Variants in CAPRIN2 observed in about 807,000 individuals in gnomAD.
CAPRIN2 encodes the protein caprin-2.
A neutral mutation model predicts 130.4 loss-of-function variants in CAPRIN2; 66 were observed. That is an observed-to-expected ratio of 0.51 (90% CI 0.42 to 0.62). The LOEUF is 0.62. Among genes scored for constraint, CAPRIN2 ranks in the 20% least tolerant of loss-of-function variants. The probability of loss-of-function intolerance (pLI) is 0.00; values close to 1 mark genes in which losing one functional copy is unlikely to be tolerated. For missense variants in CAPRIN2, 1,185 were observed against 1,246.6 expected (o/e 0.95, Z 0.74); for synonymous variants, 471 against 444.1 (o/e 1.06, Z -0.76).
At chr12:30,730,045 C>T (rs2062109140) in intron 7 of CAPRIN2, among the ~76,000 whole-genome samples, 194 bp downstream of exon 8, 2 of 152,190 alleles carry the variant, frequency 1.3e-5, no homozygotes, top group South Asian at 2.1e-4. Context: ...TAGTCATTAA[C>T]GTTATCCCTA....
chr12:30,753,818 C>T, exon 1 of CAPRIN2: 2 of 1,488,966 alleles, frequency 1.3e-6, no homozygotes, highest in Non-Finnish European at 1.8e-6. Context: ...TTTACATAGG[C>T]AAAATCTCCC....
intron 1 of CAPRIN2, 32 bp from the exon 3 acceptor site, chr12:30,751,165 C>A (rs759945627): frequency 1.9e-6 from 3 of 1,569,520 alleles, no homozygotes; most frequent in South Asian, 2.2e-5. Flanking sequence ...CTACCATAGT[C>A]TGACATAAAA....
At chr12:30,718,275 AGGAACTATTCTAT>A (rs2058292261) in intron 12 of CAPRIN2, among the ~76,000 whole-genome samples, 1 of 152,246 alleles carries the variant, frequency 6.6e-6, no homozygotes, top group South Asian at 2.1e-4. Context: ...AGTGAAAGCA[AGGAACTATTCTAT>A]CTAGAAATAA....
chr12:30,719,135 G>T, intron 12 of CAPRIN2: 1 of 1,614,084 alleles, frequency 6.2e-7, no homozygotes, highest in African/African-American at 1.3e-5. Flanking sequence ...CTACTTGCTG[G>T]AGGTGACTGG....
intron 8 of CAPRIN2, 25 bp downstream of exon 9, chr12:30,728,623 A>C: frequency 6.4e-7 from 1 of 1,552,370 alleles, no homozygotes; most frequent in Non-Finnish European, 8.7e-7. Context: ...CACTTACAGA[A>C]GCAGAATGAT....
At chr12:30,753,637 T>G (rs145636640) in exon 1 of CAPRIN2, 10 of 1,614,036 alleles carry the variant, frequency 6.2e-6, no homozygotes, top group Non-Finnish European at 7.6e-6. Context: ...AAGTTAAGTA[T>G]AAAATTAGGA....
At chr12:30,721,963 G>T (rs11051043) in intron 11 of CAPRIN2, among the ~76,000 whole-genome samples, 1,656 of 152,300 alleles carry the variant, frequency 0.011, 40 homozygotes, top group East Asian at 0.11. Context: ...AAACTAGGTC[G>T]TTCTTCTGGC....
chr12:30,749,658 C>T (rs2072685904), intron 2 of CAPRIN2, among the ~76,000 whole-genome samples: 1 of 152,056 alleles, frequency 6.6e-6, no homozygotes, highest in Admixed American at 6.5e-5. Flanking sequence ...CATCAACTGA[C>T]ATAGCTAAGA....
intron 5 of CAPRIN2, among the ~76,000 whole-genome samples, chr12:30,732,133 A>AT (rs1196069129): frequency 6.6e-6 from 1 of 152,022 alleles, no homozygotes; most frequent in Non-Finnish European, 1.5e-5. Flanking sequence ...CATCATGAAG[A>AT]TTTTACTCGA....
intron 3 of CAPRIN2, among the ~76,000 whole-genome samples, chr12:30,737,133 T>C (rs143195070): frequency 3.3e-5 from 5 of 152,116 alleles, no homozygotes; most frequent in African/African-American, 9.6e-5. Context: ...GCCTCCTGAA[T>C]AGCTGGAACC....
At chr12:30,733,923 A>C (rs763689124) in intron 4 of CAPRIN2, among the ~76,000 whole-genome samples, 1 of 152,234 alleles carries the variant, frequency 6.6e-6, no homozygotes, top group Non-Finnish European at 1.5e-5. Context: ...CCTTAAAACA[A>C]CTAAAATATG....
intron 12 of CAPRIN2, 64 bp from the exon 15 acceptor site, chr12:30,716,740 T>C: frequency 6.8e-7 from 1 of 1,467,262 alleles, no homozygotes; most frequent in Non-Finnish European, 9.3e-7. Context: ...AAGGGTGGTA[T>C]CCAGCAAAAT....
Position 30,710,593 on chromosome 12 carries a change from C to CA in CAPRIN2, c.2666-124dup. 7.1e-7 allele frequency: 1 copy of CA among 1,410,678 alleles called. No individual in the cohort carries two copies. Among genetic ancestry groups the CA allele is most frequent in the Non-Finnish European group, 9.5e-7 (1 of 1,050,722 alleles). The allele number at this position is 1,410,678 out of a possible 1,614,324, so 87.4% of individuals were successfully genotyped here. A position where few individuals can be genotyped will look rare whatever the true frequency, so the allele number is the denominator to read the frequency against. On this transcript the variant is annotated intron_variant, in intron 16 of 16. Coordinates refer to ENST00000298892, the Ensembl canonical transcript of CAPRIN2. This position sits in a 1 kb window ranked among gnomAD's most constrained non-coding sequence, Gnocchi z 4.8. The stretch of plus-strand genomic sequence containing the variant: ...TTTATAGTAAATTCCAAAACAAAAG[C>CA]AATATATAGCTAGATTATACTTTTC...
intron 9 of CAPRIN2, among the ~76,000 whole-genome samples, chr12:30,725,520 C>T (rs2060637155): frequency 6.6e-6 from 1 of 152,184 alleles, no homozygotes; most frequent in South Asian, 2.1e-4. Flanking sequence ...TATTGTATAA[C>T]ACAATTTATC....
chr12:30,727,227 T>C (rs1291368737), intron 8 of CAPRIN2, among the ~76,000 whole-genome samples: 1 of 152,132 alleles, frequency 6.6e-6, no homozygotes, highest in Non-Finnish European at 1.5e-5. Context: ...ACAGTTACTG[T>C]TGTGTGATAT....
chr12:30,730,153 C>A, intron 7 of CAPRIN2, 86 bp downstream of exon 8: 1 of 1,110,382 alleles, frequency 9.0e-7, no homozygotes, highest in South Asian at 1.3e-5. Context: ...CTCAGGCAGT[C>A]TGGCTCCAGA....
rs2057498941 is a variant in CAPRIN2 at position 30,716,194 on chromosome 12, T to C, written c.2317+314A>G. 1.2e-5 allele frequency: 3 copies of C among 251,730 alleles called. 1 individual carries two copies. In the South Asian group the frequency reaches 1.6e-4, roughly 14 times the overall value. The allele number at this position is 251,730 out of a possible 1,614,324, so 15.6% of individuals were successfully genotyped here. On this transcript the variant is annotated intron_variant, in intron 13 of 16. Coordinates refer to ENST00000298892, the Ensembl canonical transcript of CAPRIN2. The stretch of plus-strand genomic sequence containing the variant: ...ACAGAATGGTTTCAAAACCTTCATA[T>C]AAGCAGCCAGATAGTGCCCATCTAC...
chr12:30,733,858 A>T, intron 4 of CAPRIN2, 147 bp from the exon 6 acceptor site: 1 of 626,498 alleles, frequency 1.6e-6, no homozygotes, highest in Non-Finnish European at 2.8e-6. Flanking sequence ...AAAAAATTGA[A>T]ATGTATACAA....
exon 1 of CAPRIN2, chr12:30,753,366 A>G: frequency 6.2e-7 from 1 of 1,606,618 alleles, no homozygotes; most frequent in South Asian, 1.1e-5. Flanking sequence ...GATGTTTCTA[A>G]TTTTGTGTTT....
Sources: gnomAD v4.1 joint callset for allele counts (sites outside exome capture counted in the v4.1 genomes callset) on GRCh38, gnomAD v4.1.1 for gene constraint, Gnocchi (gnomAD v3.1) non-coding constraint, MANE v1.5 for transcripts, NCBI Gene and HGNC (gene_info 2026-07-23, HGNC 2026-07-21) for gene names.